PLA2G12B: variants seen among roughly 807,000 people sequenced by gnomAD.
The protein encoded by PLA2G12B is phospholipase A2 group XIIB, also known as group XIIB secretory phospholipase A2-like protein.
Under a neutral mutation model 22.3 loss-of-function variants are expected in PLA2G12B, and 19 were observed. The observed-to-expected ratio is 0.85, with a 90% confidence interval of 0.60 to 1.25. PLA2G12B has a LOEUF of 1.25. PLA2G12B is among the 50% of genes most tolerant of loss of function. PLA2G12B has a pLI of 0.00. For missense variants in PLA2G12B, 191 were observed against 246.6 expected (o/e 0.77, Z 1.51); for synonymous variants, 81 against 94.9 (o/e 0.85, Z 0.85).
chr10:72,937,686 C>G (rs1031587028), intron 3 of PLA2G12B, among the ~76,000 whole-genome samples: 2 of 152,094 alleles, frequency 1.3e-5, no homozygotes, highest in African/African-American at 4.8e-5. Context: ...AAAAGGTTTA[C>G]ATCATGACTA....
chr10:72,942,149 G>GTGTGT (rs962797141), intron 2 of PLA2G12B, among the ~76,000 whole-genome samples: 1 of 135,960 alleles, frequency 7.4e-6, no homozygotes, highest in East Asian at 2.2e-4. Context: ...CAGGGCGTCG[G>GTGTGT]GTGTGTGTGT....
At chr10:72,936,519 A>G (rs972991309) in intron 3 of PLA2G12B, among the ~76,000 whole-genome samples, 1 of 152,232 alleles carries the variant, frequency 6.6e-6, no homozygotes, top group African/African-American at 2.4e-5. Flanking sequence ...CACATATTGT[A>G]TGATTCCATT....
chr10:72,947,121 T>G (rs1236744266), intron 1 of PLA2G12B, among the ~76,000 whole-genome samples: 2 of 152,156 alleles, frequency 1.3e-5, no homozygotes, highest in Middle Eastern at 3.2e-3. Flanking sequence ...GATGGGGTCT[T>G]GCTATGTTGC....
chr10:72,954,623 G>T lies in PLA2G12B; in HGVS notation c.63C>A (p.Ser21Arg), dbSNP rs770207604. The change falls in exon 1 of 4, where the codon AGC becomes AGA. Residue 21 changes from serine to arginine, a missense_variant. By Grantham distance (110) the Ser-to-Arg change is moderately radical. Transcript: ENST00000373032. ...ACTCCTCCGTGTCAGGGCTCGTGTC[G>T]CTCTGAGCCAGGCCACCCCCAAGGC... The part of the protein sequence containing the change: ...WLSLGGGLAQ[S>R]DTSPDTEESY... 2 of 1,614,090 alleles carry T rather than the reference G, an allele frequency of 1.2e-6. No homozygotes were observed. The highest frequency in any genetic ancestry group is 8.5e-7 in the Non-Finnish European group (1 of 1,180,036).
intron 1 of PLA2G12B, among the ~76,000 whole-genome samples, chr10:72,943,819 G>A (rs769978028): frequency 6.6e-6 from 1 of 152,168 alleles, no homozygotes; most frequent in Non-Finnish European, 1.5e-5. Flanking sequence ...TATAAAGTCA[G>A]ATTTCCTGTT....
At chr10:72,937,035 C>A (rs567644718) in intron 3 of PLA2G12B, among the ~76,000 whole-genome samples, 2 of 152,202 alleles carry the variant, frequency 1.3e-5, no homozygotes, top group East Asian at 1.9e-4. Context: ...CACGGTGAAA[C>A]CTTGTCTCTA....
chr10:72,953,100 C>T (rs964139222), intron 1 of PLA2G12B, among the ~76,000 whole-genome samples: 53 of 152,318 alleles, frequency 3.5e-4, no homozygotes, highest in African/African-American at 1.0e-3. Context: ...AAGGCCTCTG[C>T]GTTGGTCCAA....
At position 72,935,245 on chromosome 10, in the gene PLA2G12B, A is replaced by G. The variant is rs1387845566; in HGVS notation, c.*372T>C. 5.8e-6 allele frequency: 1 copy of G among 172,590 alleles called. No individual in the cohort carries two copies. Among genetic ancestry groups the G allele is most frequent in the Non-Finnish European group, 1.2e-5 (1 of 81,796 alleles). The allele number at this position is 172,590 out of a possible 1,614,324, so 10.7% of individuals were successfully genotyped here. A position where few individuals can be genotyped will look rare whatever the true frequency, so the allele number is the denominator to read the frequency against. On this transcript the variant is annotated 3_prime_UTR_variant, in exon 4 of 4. Coordinates refer to ENST00000373032, the MANE Select transcript of PLA2G12B (RefSeq NM_032562.5). ...ACTGGCAACTGAAACATGGGCCAGC[A>G]GAAAGTCATTGCCTCCCAAATGGCT...
At chr10:72,939,178 C>T (rs1275840289) in intron 3 of PLA2G12B, among the ~76,000 whole-genome samples, 1 of 152,188 alleles carries the variant, frequency 6.6e-6, no homozygotes, top group East Asian at 1.9e-4. Context: ...GACTGCATAA[C>T]TCTGTGAACA....
At position 72,942,721 on chromosome 10, in the gene PLA2G12B, T is replaced by C; in HGVS notation, c.231A>G (p.Arg77=). The C allele has an allele frequency of 6.2e-7, 1 of 1,604,870 alleles. No individual in the cohort carries two copies. Among genetic ancestry groups the C allele is most frequent in the Non-Finnish European group, 8.5e-7 (1 of 1,175,386 alleles). The stretch of plus-strand genomic sequence containing the variant: ...TGGGCTCTTGGGGCTTGTAGCCAGG[T>C]CTGGGCATTGGTGCCTTTCCTTGCA... ...RCRYGKAPMP[R]PGYKPQEPNG... The change falls in exon 2 of 4, where the codon AGA becomes AGG. Residue 77 remains arginine (R), a synonymous_variant. Transcript: ENST00000373032.
At chr10:72,936,014 A>AT (rs1323911192) in intron 3 of PLA2G12B, among the ~76,000 whole-genome samples, 5 of 152,184 alleles carry the variant, frequency 3.3e-5, no homozygotes, top group Admixed American at 1.3e-4. Context: ...CATGGAGAAT[A>AT]TTTTTTGCAG....
intron 3 of PLA2G12B, among the ~76,000 whole-genome samples, chr10:72,940,537 C>T (rs191503719): frequency 4.0e-5 from 6 of 151,618 alleles, no homozygotes; most frequent in Admixed American, 2.0e-4. Context: ...CTGGGCATGG[C>T]GGCGGGTGCC....
intron 1 of PLA2G12B, among the ~76,000 whole-genome samples, chr10:72,944,450 T>C (rs1028539758): frequency 1.3e-5 from 2 of 152,228 alleles, no homozygotes; most frequent in African/African-American, 4.8e-5. Context: ...TTTGAATTTG[T>C]AGAATCAACT....
chr10:72,943,157 G>C (rs1229580537), intron 1 of PLA2G12B, among the ~76,000 whole-genome samples: 2 of 152,044 alleles, frequency 1.3e-5, no homozygotes, highest in Non-Finnish European at 2.9e-5. Context: ...GTAGAGACAG[G>C]GTTTCACCAT....
intron 1 of PLA2G12B, among the ~76,000 whole-genome samples, chr10:72,947,251 T>A (rs893025468): frequency 6.6e-6 from 1 of 152,022 alleles, no homozygotes; most frequent in East Asian, 1.9e-4. Flanking sequence ...TTTTATTTTA[T>A]TTTTTGAGAC....
chr10:72,936,500 A>G (rs192968776), intron 3 of PLA2G12B, among the ~76,000 whole-genome samples: 36 of 152,360 alleles, frequency 2.4e-4, no homozygotes, highest in Non-Finnish European at 1.6e-4. Context: ...GAAGCCAGAC[A>G]CAAAAGGCCA....
At chr10:72,950,436 A>G (rs1421836918) in intron 1 of PLA2G12B, among the ~76,000 whole-genome samples, 1 of 152,210 alleles carries the variant, frequency 6.6e-6, no homozygotes, top group African/African-American at 2.4e-5. Flanking sequence ...ACTTCAGATA[A>G]AAATTCTCTT....
intron 3 of PLA2G12B, among the ~76,000 whole-genome samples, chr10:72,939,576 C>T (rs1236448762): frequency 6.6e-6 from 1 of 151,602 alleles, no homozygotes; most frequent in Non-Finnish European, 1.5e-5. Flanking sequence ...AGAAAAACAT[C>T]TAATATCCCG....
At chr10:72,942,605 C>T in intron 2 of PLA2G12B, 47 bp downstream of exon 2, 1 of 1,445,156 alleles carries the variant, frequency 6.9e-7, no homozygotes, top group Admixed American at 2.2e-5. Context: ...TAGGATTGCT[C>T]TCAGTCAAAA....
Sources: allele counts gnomAD v4.1 joint callset (sites outside exome capture counted in the v4.1 genomes callset), GRCh38; gene constraint gnomAD v4.1.1; transcripts MANE v1.5; gene names NCBI Gene and HGNC (gene_info 2026-07-23, HGNC 2026-07-21).